The following ERBB4 variants were observed in gnomAD, a reference collection of about 807,000 sequenced individuals.
ERBB4 encodes receptor tyrosine-protein kinase erbB-4.
ERBB4 carries 42 observed loss-of-function variants against 158.0 expected under a neutral mutation model. The observed-to-expected ratio is 0.27, with a 90% CI of 0.21 to 0.34. The LOEUF (loss-of-function observed/expected upper bound fraction) is 0.34, where lower values mean the gene tolerates loss of function less well. Ranked by LOEUF, ERBB4 falls within the 10% of genes least tolerant of loss-of-function variation. ERBB4 has a pLI of 1.00. For synonymous variants in ERBB4, 583 were observed against 558.7 expected (o/e 1.04, Z -0.61); for missense variants, 1,333 against 1,624.1 (o/e 0.82, Z 3.08).
At chr2:211,963,241 C>T (rs1430755442) in intron 2 of ERBB4, among the ~76,000 whole-genome samples, 1 of 152,082 alleles carries the variant, frequency 6.6e-6, no homozygotes, top group Non-Finnish European at 1.5e-5. Context: ...AGTGGGTAGA[C>T]ATCTGGGTTG....
At chr2:212,150,247 T>C (rs958149772) in intron 1 of ERBB4, among the ~76,000 whole-genome samples, 2 of 152,134 alleles carry the variant, frequency 1.3e-5, no homozygotes, top group South Asian at 2.1e-4. Context: ...CAGTTTCTAG[T>C]AGCCCCAGGC....
chr2:211,690,724 C>A (rs970795559), intron 12 of ERBB4, among the ~76,000 whole-genome samples: 1 of 152,152 alleles, frequency 6.6e-6, no homozygotes, highest in African/African-American at 2.4e-5. Flanking sequence ...AATTTTCGAT[C>A]AGCACCAAGA....
intron 3 of ERBB4, among the ~76,000 whole-genome samples, chr2:211,853,795 A>C (rs1169820398): frequency 6.6e-6 from 1 of 152,070 alleles, no homozygotes; most frequent in Non-Finnish European, 1.5e-5. Flanking sequence ...AATTAGTTAC[A>C]TTTTACCACA....
intron 1 of ERBB4, among the ~76,000 whole-genome samples, chr2:212,400,697 C>T (rs2091177789): frequency 6.6e-6 from 1 of 151,992 alleles, no homozygotes. Context: ...CAATATTGAG[C>T]AAAGAGAAAT....
intron 4 of ERBB4, among the ~76,000 whole-genome samples, chr2:211,784,597 T>C (rs936319603): frequency 6.6e-6 from 1 of 152,224 alleles, no homozygotes; most frequent in Non-Finnish European, 1.5e-5. Flanking sequence ...AACCTGCATT[T>C]AATTCCTTTG....
At chr2:211,881,711 T>C (rs1264922999) in intron 3 of ERBB4, among the ~76,000 whole-genome samples, 1 of 152,056 alleles carries the variant, frequency 6.6e-6, no homozygotes, top group East Asian at 1.9e-4. Flanking sequence ...CTATAAAACC[T>C]CTTGCATTTC....
Position 211,985,598 on chromosome 2 carries a change from C to T in ERBB4, c.235-37982G>A, listed in dbSNP as rs570922389. ...TAAAAACATCTAAATGCCAAGTCAG[C>T]GAAGTCACTGCACCAGTTCCATAAA... On this transcript the variant is annotated intron_variant, in intron 2 of 27. Transcript: ENST00000342788. 3.3e-5 allele frequency among the ~76,000 whole-genome samples: 5 copies of T among 151,904 alleles called. No homozygotes were observed. The South Asian group carries it at 8.3e-4, about 25-fold the overall frequency.
intron 4 of ERBB4, among the ~76,000 whole-genome samples, chr2:211,772,924 C>CACACACACACACTCATAT (rs1181682464): frequency 2.7e-5 from 1 of 36,738 alleles, no homozygotes; most frequent in African/African-American, 1.5e-4. Flanking sequence ...CACACACACA[C>CACACACACACACTCATAT]ATATATATAT....
At chr2:212,446,481 C>A (rs1329102386) in intron 1 of ERBB4, among the ~76,000 whole-genome samples, 1 of 147,916 alleles carries the variant, frequency 6.8e-6, no homozygotes, top group African/African-American at 2.5e-5. Flanking sequence ...CCACGTTCTT[C>A]AGTTTTGGGA....
At chr2:212,130,058 T>C (rs1370881837) in intron 1 of ERBB4, among the ~76,000 whole-genome samples, 1 of 152,116 alleles carries the variant, frequency 6.6e-6, no homozygotes, top group East Asian at 1.9e-4. Flanking sequence ...AAGCAATGTA[T>C]ACAAGACAAC....
rs565065032 is a variant in ERBB4 at position 211,872,043 on chromosome 2, A to G, written c.421+75387T>C. 3.3e-5 allele frequency among the ~76,000 whole-genome samples: 5 copies of G among 151,942 alleles called. No individual in the cohort carries two copies. The East Asian group carries it at 9.7e-4, about 30-fold the overall frequency. ...TTTTAGTATTATGCTTTATGAAGTC[A>G]GACATACATTTCAATAATTGCTTTT... On this transcript the variant is annotated intron_variant, in intron 3 of 27. Coordinates refer to ENST00000342788, the MANE Select transcript of ERBB4 (RefSeq NM_005235.3).
chr2:212,109,754 C>G (rs142814539), intron 2 of ERBB4, among the ~76,000 whole-genome samples: 4 of 152,060 alleles, frequency 2.6e-5, no homozygotes, highest in African/African-American at 7.2e-5. Context: ...TAAGCAAGAG[C>G]GTGATCAAAC....
intron 5 of ERBB4, among the ~76,000 whole-genome samples, chr2:211,749,349 C>A (rs2106205789): frequency 6.6e-6 from 1 of 152,254 alleles, no homozygotes; most frequent in Non-Finnish European, 1.5e-5. Flanking sequence ...AGAAATCAAG[C>A]TGTAGTACAA....
At chr2:211,887,814 C>A (rs144220902) in intron 3 of ERBB4, among the ~76,000 whole-genome samples, 190 of 152,184 alleles carry the variant, frequency 1.2e-3, no homozygotes, top group African/African-American at 4.4e-3. Context: ...AACATAATAT[C>A]CAAGAGGGTA....
chr2:211,759,410 T>C (rs1371054406), intron 4 of ERBB4, among the ~76,000 whole-genome samples: 2 of 152,168 alleles, frequency 1.3e-5, no homozygotes. Flanking sequence ...TGCCTCATAG[T>C]ACATGCCAAA....
At chr2:211,888,999 C>A (rs1489762483) in intron 3 of ERBB4, among the ~76,000 whole-genome samples, 8 of 147,580 alleles carry the variant, frequency 5.4e-5, no homozygotes, top group Middle Eastern at 3.4e-3. Flanking sequence ...CCCAGGCTTG[C>A]TTAGGTAAAC....
At chr2:211,958,661 A>G (rs535201183) in intron 2 of ERBB4, among the ~76,000 whole-genome samples, 2 of 152,148 alleles carry the variant, frequency 1.3e-5, no homozygotes, top group South Asian at 2.1e-4. Flanking sequence ...CAAAATCCCA[A>G]TCCCTTTGAA....
rs1200981043 is a variant in ERBB4 at position 211,752,627 on chromosome 2, T to A, written c.557-1923A>T. On this transcript the variant is annotated intron_variant, in intron 4 of 27. Transcript: ENST00000342788. ...AAATTCATATTAGACATTTTTATAT[T>A]CTCAATGTTTTTCTCTTACTCGATT... Among the ~76,000 whole-genome samples, 3 of 152,068 alleles carry A rather than the reference T, an allele frequency of 2.0e-5. No individual in the cohort carries two copies. The East Asian group carries it at 5.8e-4, about 29-fold the overall frequency.
At chr2:211,627,121 A>G (rs772265611) in intron 17 of ERBB4, among the ~76,000 whole-genome samples, 2 of 152,146 alleles carry the variant, frequency 1.3e-5, no homozygotes, top group Non-Finnish European at 2.9e-5. Context: ...TCCATTCTGC[A>G]GTCACCTAAA....
Sources: allele counts gnomAD v4.1 joint callset (sites outside exome capture counted in the v4.1 genomes callset), GRCh38; gene constraint gnomAD v4.1.1; transcripts MANE v1.5; gene names NCBI Gene and HGNC (gene_info 2026-07-23, HGNC 2026-07-21).